The following CCDC163 variants were observed in gnomAD, a reference collection of about 807,000 sequenced individuals.
CCDC163 encodes CCDC163 homolog, also known as transmembrane protein CCDC163.
A neutral mutation model predicts 8.2 loss-of-function variants in CCDC163; 13 were observed. The ratio of observed to expected loss-of-function variants is 1.59; its 90% CI spans 1.04 to 2.54. CCDC163 has a LOEUF of 2.54. Among genes scored for constraint, CCDC163 ranks in the 30% most tolerant of loss-of-function variants. CCDC163 has a pLI of 0.00. For synonymous variants in CCDC163, 41 were observed against 30.9 expected (o/e 1.33, Z -1.08); for missense variants, 117 against 78.6 (o/e 1.49, Z -1.85).
intron 4 of CCDC163, chr1:45,495,409 T>C (rs1654024912): frequency 1.4e-6 from 1 of 702,746 alleles, no homozygotes. Flanking sequence ...TCCTTGTCCT[T>C]ATCCTTACCT....
chr1:45,498,190 A>T (rs1258163079), intron 2 of CCDC163, among the ~76,000 whole-genome samples: 1 of 151,934 alleles, frequency 6.6e-6, no homozygotes, highest in African/African-American at 2.4e-5. Flanking sequence ...CAGTATGCTC[A>T]TTAAGAGTCA....
intron 2 of CCDC163, 142 bp downstream of exon 2, chr1:45,499,202 AG>A: frequency 1.5e-6 from 1 of 655,800 alleles, no homozygotes; most frequent in Non-Finnish European, 2.8e-6. Flanking sequence ...GAAATAAGGA[AG>A]GGTTAAGTGC....
chr1:45,495,105 ACT>A lies in CCDC163; in HGVS notation c.390_391del (p.Arg130SerfsTer20), dbSNP rs754783214. 1 of 780,518 alleles carries A rather than the reference ACT, an allele frequency of 1.3e-6. No homozygotes were observed. The highest frequency in any genetic ancestry group is 1.7e-5 in the African/African-American group (1 of 59,050). The allele number at this position is 780,518 out of a possible 1,614,324, so 48.3% of individuals were successfully genotyped here. A position where few individuals can be genotyped will look rare whatever the true frequency, so the allele number is the denominator to read the frequency against. On this transcript the variant is annotated frameshift_variant, in exon 5 of 5. Transcript: ENST00000629482. LOFTEE classifies it high-confidence loss of function. ...AAAGGAATAGGTCCTCTTGCTTAAG[ACT>A]CTGGGCATGGAGCTGAAAGATGCTG...
At chr1:45,499,185 G>A (rs190294270) in intron 2 of CCDC163, among the ~76,000 whole-genome samples, 160 bp downstream of exon 2, 3 of 152,312 alleles carry the variant, frequency 2.0e-5, no homozygotes, top group South Asian at 2.1e-4. Context: ...CCAGGTCCCC[G>A]GCTGAGGAAA....
rs1280080435 is a variant in CCDC163 at position 45,495,006 on chromosome 1, G to C, written c.*53C>G. ...CCAGAAACAGGGCCTTGGAGGGGAG[G>C]GTGGGCAAAGAAGCCTTCATCCTAC... On this transcript the variant is annotated 3_prime_UTR_variant, in exon 5 of 5. Coordinates refer to ENST00000629482, the MANE Select transcript of CCDC163 (RefSeq NM_001102601.3). 1 of 779,690 alleles carries C rather than the reference G, an allele frequency of 1.3e-6. No homozygotes were observed. The highest frequency in any genetic ancestry group is 2.4e-6 in the Non-Finnish European group (1 of 417,420). The allele number at this position is 779,690 out of a possible 1,614,324, so 48.3% of individuals were successfully genotyped here.
Position 45,495,022 on chromosome 1 carries a change from T to C in CCDC163, c.*37A>G. On this transcript the variant is annotated 3_prime_UTR_variant, in exon 5 of 5. Coordinates refer to ENST00000629482, the MANE Select transcript of CCDC163 (RefSeq NM_001102601.3). ...GGAGGGGAGGGTGGGCAAAGAAGCC[T>C]TCATCCTACTATTCTTAACGAGTCC... is the stretch of plus-strand genomic sequence containing the variant. 1 of 780,534 alleles carries C rather than the reference T, an allele frequency of 1.3e-6. No homozygotes were observed. Among genetic ancestry groups the C allele is most frequent in the Non-Finnish European group, 2.4e-6 (1 of 417,832 alleles). 48.4% of individuals were successfully genotyped at this position (780,534 alleles called of 1,614,324 possible). A position where few individuals can be genotyped will look rare whatever the true frequency, so the allele number is the denominator to read the frequency against.
chr1:45,499,926 C>A lies in CCDC163; in HGVS notation c.-317G>T. On this transcript the variant is annotated 5_prime_UTR_variant, in exon 1 of 5. Transcript: ENST00000629482. ...AAGTAGTACACTGGCGCCACCACGC[C>A]AAACCTGTGCCAGTGACAACTGCCG... 2.0e-6 allele frequency: 1 copy of A among 491,476 alleles called. No individual in the cohort carries two copies. Among genetic ancestry groups the A allele is most frequent in the African/African-American group, 1.9e-5 (1 of 51,784 alleles). 30.4% of individuals were successfully genotyped at this position (491,476 alleles called of 1,614,324 possible).
chr1:45,497,187 G>T, intron 3 of CCDC163, 112 bp downstream of exon 3: 3 of 577,886 alleles, frequency 5.2e-6, no homozygotes, highest in Non-Finnish European at 9.4e-6. Context: ...AACAGAGCAA[G>T]ACTCCATCTC....
Position 45,499,328 on chromosome 1 carries a change from A to G in CCDC163, c.177+17T>C. 1.3e-6 allele frequency: 1 copy of G among 766,328 alleles called. No individual in the cohort carries two copies. The highest frequency in any genetic ancestry group is 2.4e-6 in the Non-Finnish European group (1 of 411,232). The allele number at this position is 766,328 out of a possible 1,614,324, so 47.5% of individuals were successfully genotyped here. On this transcript the variant is annotated intron_variant, in intron 2 of 4. Coordinates refer to ENST00000629482, the MANE Select transcript of CCDC163 (RefSeq NM_001102601.3). The stretch of plus-strand genomic sequence containing the variant: ...AGAAAGAGAAAGGGCTTGGAAGTAG[A>G]AAGAGACATTACTTACCTGCGGTGG...
chr1:45,498,895 G>GA (rs1165543413), intron 2 of CCDC163, among the ~76,000 whole-genome samples: 5 of 152,184 alleles, frequency 3.3e-5, no homozygotes, highest in South Asian at 2.1e-4. Context: ...TCCCCAGGCA[G>GA]AAAAAAGCAC....
At position 45,497,359 on chromosome 1, in the gene CCDC163, C is replaced by T. The variant is rs779514142; in HGVS notation, c.202G>A (p.Val68Met). ...ATAATCTCTGACTCCTCCCACAGCA[C>T]TGCAGGAGTGACAGCAGTGCTATTC... ...PQNSTAVTPA[V>M]LWEESEIMQK... The change falls in exon 3 of 5, where the codon GTG (valine) becomes ATG (methionine). Residue 68 changes from valine to methionine, a missense_variant. Transcript: ENST00000629482. 1.2e-5 allele frequency: 9 copies of T among 779,922 alleles called. No homozygotes were observed. The highest frequency in any genetic ancestry group is 1.0e-4 in the African/African-American group (6 of 59,058). 48.3% of individuals were successfully genotyped at this position (779,922 alleles called of 1,614,324 possible). A position where few individuals can be genotyped will look rare whatever the true frequency, so the allele number is the denominator to read the frequency against.
At position 45,497,287 on chromosome 1, in the gene CCDC163, C is replaced by T. The variant is rs1570802585; in HGVS notation, c.262+12G>A. 1.3e-6 allele frequency: 1 copy of T among 777,884 alleles called. No individual in the cohort carries two copies. Among genetic ancestry groups the T allele is most frequent in the South Asian group, 1.3e-5 (1 of 74,288 alleles). 48.2% of individuals were successfully genotyped at this position (777,884 alleles called of 1,614,324 possible). A position where few individuals can be genotyped will look rare whatever the true frequency, so the allele number is the denominator to read the frequency against. On this transcript the variant is annotated intron_variant, in intron 3 of 4. Transcript: ENST00000629482. The stretch of plus-strand genomic sequence containing the variant: ...GGAAACGCATATTCGCCCCCAACCA[C>T]CTTTTACTTACTCAACTGGTACTGC...
At position 45,500,042 on chromosome 1, in the gene CCDC163, C is replaced by T; in HGVS notation, c.-433G>A. The T allele has an allele frequency of 1.9e-6, 1 of 530,944 alleles. No individual in the cohort carries two copies. The highest frequency in any genetic ancestry group is 3.4e-6 in the Non-Finnish European group (1 of 293,192). 32.9% of individuals were successfully genotyped at this position (530,944 alleles called of 1,614,324 possible). On this transcript the variant is annotated 5_prime_UTR_variant, in exon 1 of 5. Transcript: ENST00000629482. Reference sequence around the variant, plus strand: ...CCTGGGAAACTGAGGTCGCCTCTTGCGAACACAACCGGCGATGGAGGCGGT... The same window carrying T: ...CCTGGGAAACTGAGGTCGCCTCTTGTGAACACAACCGGCGATGGAGGCGGT...
intron 2 of CCDC163, among the ~76,000 whole-genome samples, chr1:45,497,713 G>A (rs1557600494): frequency 1.9e-5 from 1 of 52,336 alleles, no homozygotes; most frequent in African/African-American, 8.1e-5. Context: ...AGGTGGAGGG[G>A]GTCAGCCCCC....
Position 45,494,715 on chromosome 1 carries a change from G to C in CCDC163, c.*344C>G. ...CTCACAACTGTAATCCCAGCACTTT[G>C]GGAGGGCGAGGCGGGCAGATCACTT... On this transcript the variant is annotated 3_prime_UTR_variant, in exon 5 of 5. Coordinates refer to ENST00000629482, the MANE Select transcript of CCDC163 (RefSeq NM_001102601.3). 1.7e-5 allele frequency: 5 copies of C among 294,662 alleles called. No individual in the cohort carries two copies. The South Asian group carries it at 1.9e-4, about 11-fold the overall frequency. 18.3% of individuals were successfully genotyped at this position (294,662 alleles called of 1,614,324 possible).
intron 2 of CCDC163, among the ~76,000 whole-genome samples, chr1:45,497,704 G>T (rs1400884434): frequency 7.3e-4 from 2 of 2,730 alleles, no homozygotes; most frequent in African/African-American, 1.4e-3. Flanking sequence ...CCGGGAGGGA[G>T]GTGGAGGGGG....
rs1270641745 is a variant in CCDC163 at position 45,497,296 on chromosome 1, T to C, written c.262+3A>G. The C allele has an allele frequency of 6.4e-6, 5 of 778,222 alleles. No homozygotes were observed. The highest frequency in any genetic ancestry group is 3.4e-5 in the African/African-American group (2 of 59,072). The allele number at this position is 778,222 out of a possible 1,614,324, so 48.2% of individuals were successfully genotyped here. ...TATTCGCCCCCAACCACCTTTTACTTACTCAACTGGTACTGCAGCAACTTC... is the reference window on the plus strand; with the variant it reads ...TATTCGCCCCCAACCACCTTTTACTCACTCAACTGGTACTGCAGCAACTTC... On this transcript the variant is annotated splice_donor_region_variant and intron_variant, in intron 3 of 4. Coordinates refer to ENST00000629482, the MANE Select transcript of CCDC163 (RefSeq NM_001102601.3).
intron 2 of CCDC163, 41 bp downstream of exon 2, chr1:45,499,304 G>A: frequency 1.3e-6 from 1 of 743,002 alleles, no homozygotes; most frequent in South Asian, 1.4e-5. Context: ...GGAAGGCACA[G>A]AAAGAGAAAG....
intron 4 of CCDC163, chr1:45,495,394 G>T: frequency 1.4e-6 from 1 of 702,838 alleles, no homozygotes; most frequent in South Asian, 1.5e-5. Flanking sequence ...CCCCCAAAAC[G>T]GGAATCCTTG....
Sources: allele counts gnomAD v4.1 joint callset (sites outside exome capture counted in the v4.1 genomes callset), GRCh38; gene constraint gnomAD v4.1.1; transcripts MANE v1.5; gene names NCBI Gene and HGNC (gene_info 2026-07-23, HGNC 2026-07-21).